ITIH2: variants seen among roughly 807,000 people sequenced by gnomAD.
The protein encoded by ITIH2 is inter-alpha-trypsin inhibitor heavy chain 2.
A neutral mutation model predicts 104.4 loss-of-function variants in ITIH2; 103 were observed. That is an observed-to-expected ratio of 0.99 (90% CI 0.84 to 1.16). The LOEUF (loss-of-function observed/expected upper bound fraction) is 1.16, where lower values mean the gene tolerates loss of function less well. ITIH2 is among the 50% of genes most tolerant of loss of function. The pLI is 0.00. For missense variants in ITIH2, 1,108 were observed against 1,162.4 expected (o/e 0.95, Z 0.68); for synonymous variants, 436 against 435.4 (o/e 1.00, Z -0.02).
In ITIH2 at chr10:7,709,095, T is replaced by A; in HGVS notation, c.266T>A (p.Met89Lys). 6.2e-7 allele frequency: 1 copy of A among 1,614,148 alleles called. No individual in the cohort carries two copies. The highest frequency in any genetic ancestry group is 1.1e-5 in the South Asian group (1 of 91,074). ...STITSRMATT[M>K]IQSKVVNNSP... is the part of the protein sequence containing the mutation. ...ATTACTTCTCGGATGGCCACCACCATGATCCAGAGCAAAGTGGTGAACAAT... is the reference window on the plus strand; with the variant it reads ...ATTACTTCTCGGATGGCCACCACCAAGATCCAGAGCAAAGTGGTGAACAAT... The change falls in exon 4 of 21, where the codon ATG (methionine) becomes AAG (lysine). Residue 89 changes from methionine to lysine, a missense_variant. Physicochemically the swap from Met to Lys is moderately conservative, Grantham distance 95 (BLOSUM62 -1). Coordinates refer to ENST00000358415, the MANE Select transcript of ITIH2 (RefSeq NM_002216.3).
chr10:7,742,896 C>T (rs958595477), intron 16 of ITIH2, among the ~76,000 whole-genome samples: 1 of 152,140 alleles, frequency 6.6e-6, no homozygotes, highest in Admixed American at 6.6e-5. Flanking sequence ...CTAGTGCATA[C>T]ATTTTTAGCT....
chr10:7,722,984 G>A (rs888387804), intron 8 of ITIH2, among the ~76,000 whole-genome samples: 1 of 151,480 alleles, frequency 6.6e-6, no homozygotes, highest in Non-Finnish European at 1.5e-5. Flanking sequence ...GTGAAGTGGC[G>A]TGGAGTGGAG....
At chr10:7,745,561 G>A (rs540291151) in intron 19 of ITIH2, among the ~76,000 whole-genome samples, 1 of 152,026 alleles carries the variant, frequency 6.6e-6, no homozygotes, top group South Asian at 2.1e-4. Flanking sequence ...GGCAGCCTGG[G>A]CACCCCATCT....
intron 4 of ITIH2, among the ~76,000 whole-genome samples, chr10:7,710,254 G>T (rs1246668131): frequency 2.0e-5 from 3 of 152,168 alleles, no homozygotes; most frequent in African/African-American, 4.8e-5. Flanking sequence ...TGGTTTCATG[G>T]ACATCTCATA....
intron 14 of ITIH2, among the ~76,000 whole-genome samples, chr10:7,734,125 C>T (rs985986488): frequency 6.6e-6 from 1 of 152,078 alleles, no homozygotes; most frequent in Non-Finnish European, 1.5e-5. Flanking sequence ...ATATGATACT[C>T]CAATGGTGGA....
At chr10:7,735,951 G>A (rs1414403076) in intron 15 of ITIH2, among the ~76,000 whole-genome samples, 1 of 152,104 alleles carries the variant, frequency 6.6e-6, no homozygotes, top group Non-Finnish European at 1.5e-5. Flanking sequence ...GGGGTTACAG[G>A]CGTGAGCCAC....
At chr10:7,706,089 G>C (rs1211048143) in intron 2 of ITIH2, among the ~76,000 whole-genome samples, 1 of 152,268 alleles carries the variant, frequency 6.6e-6, no homozygotes, top group Non-Finnish European at 1.5e-5. Context: ...GTATGGGTGT[G>C]AATTTTTTAC....
At chr10:7,742,588 C>T (rs1835137581) in intron 16 of ITIH2, among the ~76,000 whole-genome samples, 1 of 152,004 alleles carries the variant, frequency 6.6e-6, no homozygotes, top group Admixed American at 6.6e-5. Context: ...ACAAAAAATA[C>T]AAAACATTAG....
chr10:7,707,383 A>G, intron 3 of ITIH2, 150 bp downstream of exon 3: 1 of 627,610 alleles, frequency 1.6e-6, no homozygotes, highest in East Asian at 2.7e-5. Flanking sequence ...AGTGTTTCTA[A>G]AATTCAGCAT....
chr10:7,722,498 T>C (rs960405777), intron 8 of ITIH2, among the ~76,000 whole-genome samples: 2 of 152,224 alleles, frequency 1.3e-5, no homozygotes, highest in African/African-American at 4.8e-5. Context: ...AAGTGGCCCA[T>C]ACACGTCCTT....
intron 20 of ITIH2, 85 bp downstream of exon 20, chr10:7,746,789 G>A: frequency 1.2e-6 from 1 of 807,612 alleles, no homozygotes; most frequent in Non-Finnish European, 2.1e-6. Flanking sequence ...CAAAGAAGAA[G>A]TGTCGTAGGC....
chr10:7,718,122 C>G lies in ITIH2; in HGVS notation c.630+334C>G, dbSNP rs188545105. 1.2e-3 allele frequency among the ~76,000 whole-genome samples: 176 copies of G among 152,262 alleles called. 1 individual carries two copies. Among genetic ancestry groups the G allele is most frequent in the Non-Finnish European group, 1.9e-3 (131 of 68,016 alleles). On this transcript the variant is annotated intron_variant, in intron 6 of 20. Transcript: ENST00000358415. The stretch of plus-strand genomic sequence containing the variant: ...GCTGCACTCTCTCTCTCTGGAGGCT[C>G]CAGGGGAGAGCCCGTTCCTTGCTTC...
Position 7,749,244 on chromosome 10 carries a change from G to A in ITIH2, c.2751G>A (p.Trp917Ter). ...DLVFGTDVTC[W>*]FVHNSGKGFI... ...TGTTTGGAACGGACGTTACCTGCTG[G>A]TTTGTGCACAACAGTGGAAAAGGAT... The change falls in exon 21 of 21, where the codon TGG becomes TGA. Residue 917 changes from tryptophan to a stop codon, truncating the protein, a stop_gained. Transcript: ENST00000358415. LOFTEE classifies it high-confidence loss of function. The A allele has an allele frequency of 1.9e-6, 3 of 1,614,142 alleles. No homozygotes were observed. Among genetic ancestry groups the A allele is most frequent in the Non-Finnish European group, 2.5e-6 (3 of 1,180,016 alleles).
chr10:7,713,358 A>G, intron 5 of ITIH2, 73 bp downstream of exon 5: 1 of 1,194,264 alleles, frequency 8.4e-7, no homozygotes. Flanking sequence ...TTCCCACAGC[A>G]GCAAAGCAGC....
At position 7,709,176 on chromosome 10, in the gene ITIH2, T is replaced by C. The variant is rs1834773919; in HGVS notation, c.347T>C (p.Ile116Thr). The change falls in exon 4 of 21, where the codon ATT becomes ACT. Residue 116 changes from isoleucine to threonine, a missense_variant. Coordinates refer to ENST00000358415, the MANE Select transcript of ITIH2 (RefSeq NM_002216.3). ...GTTCAGATCCCCAAAGGAGCATTCATTTCCAACTTCTCCATGTGAGTAACT... is the reference window on the plus strand; with the variant it reads ...GTTCAGATCCCCAAAGGAGCATTCACTTCCAACTTCTCCATGTGAGTAACT... The part of the protein sequence containing the change: ...FDVQIPKGAF[I>T]SNFSMTVDGK... 1.2e-6 allele frequency: 2 copies of C among 1,614,154 alleles called. No individual in the cohort carries two copies. Among genetic ancestry groups the C allele is most frequent in the Non-Finnish European group, 1.7e-6 (2 of 1,180,012 alleles).
At position 7,713,097 on chromosome 10, in the gene ITIH2, G is replaced by T. The variant is rs112895650; in HGVS notation, c.363-84G>T. On this transcript the variant is annotated intron_variant, in intron 4 of 20. Coordinates refer to ENST00000358415, the MANE Select transcript of ITIH2 (RefSeq NM_002216.3). ...ATTGCACCATTGCACTCCAGCCTGG[G>T]TGACAGAGCAAGACTCCATCTCGAG... 451 of 1,048,960 alleles carry T rather than the reference G, an allele frequency of 4.3e-4. 2 individuals are homozygous for T. In the African/African-American group the frequency reaches 6.6e-3, roughly 15 times the overall value. The allele number at this position is 1,048,960 out of a possible 1,614,324, so 65.0% of individuals were successfully genotyped here. A position where few individuals can be genotyped will look rare whatever the true frequency, so the allele number is the denominator to read the frequency against.
intron 14 of ITIH2, among the ~76,000 whole-genome samples, chr10:7,734,256 ACT>A (rs1208683819): frequency 6.6e-6 from 1 of 152,078 alleles, no homozygotes; most frequent in Non-Finnish European, 1.5e-5. Context: ...CAAATGCACC[ACT>A]CTGATGTGGG....
In ITIH2 at chr10:7,732,018, TTCTA is replaced by T. The variant is rs756399100; in HGVS notation, c.1647+27_1647+30del. 6.4e-6 allele frequency: 10 copies of T among 1,566,654 alleles called. No homozygotes were observed. The African/African-American group carries it at 1.4e-4, about 21-fold the overall frequency. Reference sequence around the variant, plus strand: ...TTCGGTACTTCCACTTATCCATTTATTCTATCTACTAACTGACCCCCTAGATACA... The same window carrying T: ...TTCGGTACTTCCACTTATCCATTTATTCTACTAACTGACCCCCTAGATACA... On this transcript the variant is annotated intron_variant, in intron 13 of 20. Coordinates refer to ENST00000358415, the MANE Select transcript of ITIH2 (RefSeq NM_002216.3).
chr10:7,706,121 T>C (rs1834745299), intron 2 of ITIH2, among the ~76,000 whole-genome samples: 1 of 152,224 alleles, frequency 6.6e-6, no homozygotes, highest in South Asian at 2.1e-4. Context: ...CCAGGATTTT[T>C]TTTTGTAGAC....
Sources: gnomAD v4.1 joint callset for allele counts (sites outside exome capture counted in the v4.1 genomes callset) on GRCh38, gnomAD v4.1.1 for gene constraint, MANE v1.5 for transcripts, NCBI Gene and HGNC (gene_info 2026-07-23, HGNC 2026-07-21) for gene names.